The following TENM4 variants were observed in gnomAD, a reference collection of about 807,000 sequenced individuals.
TENM4 encodes teneurin-4.
Under a neutral mutation model 243.3 loss-of-function variants are expected in TENM4, and 82 were observed. The ratio of observed to expected loss-of-function variants is 0.34; its 90% CI spans 0.28 to 0.40. The LOEUF (loss-of-function observed/expected upper bound fraction) is 0.40. Among genes scored for constraint, TENM4 ranks in the 10% least tolerant of loss-of-function variants. The pLI, the probability that TENM4 is intolerant of heterozygous loss-of-function variation, is 1.00. For synonymous variants in TENM4, 1,412 were observed against 1,456.3 expected, an observed-to-expected ratio of 0.97 and a Z score of 0.69; for missense variants, 3,138 against 3,673.3, an observed-to-expected ratio of 0.85 and a Z score of 3.77.
chr11:78,891,230 T>A lies in TENM4; in HGVS notation c.848+8A>T. 1 of 1,551,394 alleles carries A rather than the reference T, an allele frequency of 6.4e-7. No homozygotes were observed. Among genetic ancestry groups the A allele is most frequent in the South Asian group, 1.2e-5 (1 of 84,054 alleles). Reference sequence around the variant, plus strand: ...ACACACAGAGAGGAGAATGGGGATGTCACCTACCCGTCACTGTAAGCCCCA... The same window carrying A: ...ACACACAGAGAGGAGAATGGGGATGACACCTACCCGTCACTGTAAGCCCCA... On this transcript the variant is annotated splice_region_variant and intron_variant, in intron 8 of 33. Transcript: ENST00000278550.
intron 1 of TENM4, among the ~76,000 whole-genome samples, chr11:79,331,707 C>A (rs1451488256): frequency 2.6e-5 from 4 of 152,192 alleles, no homozygotes; most frequent in Non-Finnish European, 5.9e-5. Flanking sequence ...CCTGGGAAGG[C>A]TATAAATTGT....
chr11:79,292,291 C>T (rs572040631), intron 2 of TENM4, among the ~76,000 whole-genome samples: 4 of 152,260 alleles, frequency 2.6e-5, no homozygotes, highest in Non-Finnish European at 5.9e-5. Context: ...AATGAGCATG[C>T]TGTAGTGGAC....
intron 21 of TENM4, among the ~76,000 whole-genome samples, 152 bp downstream of exon 21, chr11:78,732,164 G>A (rs753370254): frequency 5.9e-5 from 9 of 152,160 alleles, no homozygotes; most frequent in Non-Finnish European, 1.0e-4. Context: ...GCCTGCTGTG[G>A]GGTTTGGTGG....
At chr11:79,370,560 G>A (rs1590916848) in intron 1 of TENM4, among the ~76,000 whole-genome samples, 2 of 151,974 alleles carry the variant, frequency 1.3e-5, no homozygotes, top group Non-Finnish European at 2.9e-5. Context: ...GTCCTCTGAA[G>A]GAGAAAAAAC....
At position 78,719,986 on chromosome 11, in the gene TENM4, T is replaced by A. The variant is rs141566331; in HGVS notation, c.3821+384A>T. ...TGAAATCTGTCTTCTTCCAGATTGTTCACCTGATCAAGATGTTCTCAGGAC... is the reference window on the plus strand; with the variant it reads ...TGAAATCTGTCTTCTTCCAGATTGTACACCTGATCAAGATGTTCTCAGGAC... On this transcript the variant is annotated intron_variant, in intron 25 of 33. Coordinates refer to ENST00000278550, the MANE Select transcript of TENM4 (RefSeq NM_001098816.3). Among the ~76,000 whole-genome samples the A allele has an allele frequency of 2.2e-3, 331 of 152,322 alleles. 1 individual carries two copies. The highest frequency in any genetic ancestry group is 7.7e-3 in the African/African-American group (319 of 41,582).
At chr11:78,952,324 C>T (rs901206287) in intron 6 of TENM4, among the ~76,000 whole-genome samples, 6 of 152,220 alleles carry the variant, frequency 3.9e-5, no homozygotes, top group Non-Finnish European at 8.8e-5. Context: ...AAGTAATAAA[C>T]TCGAGGAAGG....
chr11:78,792,703 G>A (rs1485469349), intron 15 of TENM4, among the ~76,000 whole-genome samples: 2 of 152,206 alleles, frequency 1.3e-5, no homozygotes, highest in East Asian at 1.9e-4. Flanking sequence ...TGGAAGAGGT[G>A]TATGTCGGTT....
chr11:79,305,052 C>G (rs1229298616), intron 1 of TENM4, among the ~76,000 whole-genome samples: 1 of 152,212 alleles, frequency 6.6e-6, no homozygotes, highest in Non-Finnish European at 1.5e-5. Flanking sequence ...CTCCACTCAG[C>G]AACTTTCTAC....
At chr11:78,775,746 G>A (rs1342170670) in intron 17 of TENM4, among the ~76,000 whole-genome samples, 1 of 152,168 alleles carries the variant, frequency 6.6e-6, no homozygotes, top group Non-Finnish European at 1.5e-5. Flanking sequence ...TAATCCCTTC[G>A]GAAAGACTCA....
intron 6 of TENM4, among the ~76,000 whole-genome samples, chr11:79,009,923 G>C (rs539381049): frequency 6.6e-6 from 1 of 152,150 alleles, no homozygotes; most frequent in Non-Finnish European, 1.5e-5. Flanking sequence ...AGTCATGGGG[G>C]TGGGTTTTTC....
intron 4 of TENM4, among the ~76,000 whole-genome samples, chr11:79,118,785 C>T (rs141323564): frequency 0.023 from 3,533 of 152,278 alleles, 58 homozygotes; most frequent in Non-Finnish European, 0.035. Flanking sequence ...TATGCTACAT[C>T]TTATTGATCC....
intron 2 of TENM4, among the ~76,000 whole-genome samples, chr11:79,239,497 A>G (rs1271397435): frequency 2.6e-5 from 4 of 152,080 alleles, no homozygotes; most frequent in Admixed American, 6.5e-5. Context: ...TGTGGGACCA[A>G]CTTAGGAGAT....
intron 6 of TENM4, among the ~76,000 whole-genome samples, chr11:79,028,330 C>A (rs1205824036): frequency 6.6e-6 from 1 of 152,156 alleles, no homozygotes; most frequent in Non-Finnish European, 1.5e-5. Context: ...GGTCAGCTTC[C>A]CTGGGAAATA....
At chr11:78,764,285 T>C (rs1237635582) in intron 18 of TENM4, among the ~76,000 whole-genome samples, 2 of 152,242 alleles carry the variant, frequency 1.3e-5, no homozygotes, top group South Asian at 2.1e-4. Context: ...CCTGACATCG[T>C]ACCGCTAGTT....
intron 9 of TENM4, among the ~76,000 whole-genome samples, chr11:78,876,795 C>A (rs1859278177): frequency 6.6e-6 from 1 of 152,226 alleles, no homozygotes; most frequent in Non-Finnish European, 1.5e-5. Flanking sequence ...ATGCTCCCCA[C>A]CAGTTTAAAC....
At chr11:78,942,046 T>A (rs1856907578) in intron 6 of TENM4, among the ~76,000 whole-genome samples, 1 of 149,964 alleles carries the variant, frequency 6.7e-6, no homozygotes, top group South Asian at 2.1e-4. Flanking sequence ...TGGGCCATAC[T>A]GGAAGAAAAA....
At chr11:79,382,372 C>T (rs1398250017) in intron 1 of TENM4, among the ~76,000 whole-genome samples, 2 of 152,142 alleles carry the variant, frequency 1.3e-5, no homozygotes, top group African/African-American at 4.8e-5. Context: ...TTTTCCTCTG[C>T]CTTGTGCAGG....
intron 6 of TENM4, among the ~76,000 whole-genome samples, chr11:79,047,081 A>C (rs140916145): frequency 3.9e-5 from 6 of 152,366 alleles, no homozygotes; most frequent in African/African-American, 1.2e-4. Context: ...ATCTGTGAAA[A>C]GGTTTCACGG....
intron 6 of TENM4, among the ~76,000 whole-genome samples, chr11:79,040,347 CT>C (rs1265337595): frequency 6.6e-6 from 1 of 152,196 alleles, no homozygotes; most frequent in African/African-American, 2.4e-5. Flanking sequence ...CTATTCCCCT[CT>C]CCTTCTTCCT....
Sources: gnomAD v4.1 joint callset for allele counts (sites outside exome capture counted in the v4.1 genomes callset) on GRCh38, gnomAD v4.1.1 for gene constraint, MANE v1.5 for transcripts, NCBI Gene and HGNC (gene_info 2026-07-23, HGNC 2026-07-21) for gene names.